PAM: variants seen among roughly 807,000 people sequenced by gnomAD.
The protein encoded by PAM is peptidyl-glycine alpha-amidating monooxygenase.
A neutral mutation model predicts 122.1 loss-of-function variants in PAM; 72 were observed. The observed-to-expected ratio is 0.59, with a 90% CI of 0.49 to 0.72. The LOEUF (loss-of-function observed/expected upper bound fraction) is 0.72. Among genes scored for constraint, PAM ranks in the 30% least tolerant of loss-of-function variants. The pLI is 0.00. For synonymous variants in PAM, 389 were observed against 404.4 expected (o/e 0.96, Z 0.46); for missense variants, 1,106 against 1,183.7 (o/e 0.93, Z 0.96).
intron 15 of PAM, among the ~76,000 whole-genome samples, chr5:102,988,325 A>G (rs1466066765): frequency 7.0e-6 from 1 of 142,874 alleles, no homozygotes; most frequent in Non-Finnish European, 1.5e-5. Context: ...CCTTAATCCT[A>G]CCCTATCCCA....
intron 1 of PAM, among the ~76,000 whole-genome samples, chr5:102,796,987 A>C (rs2150053060): frequency 6.6e-6 from 1 of 152,346 alleles, no homozygotes; most frequent in Middle Eastern, 3.4e-3. Flanking sequence ...CATATGCTTC[A>C]TTGCCAAGTT....
intron 1 of PAM, chr5:102,838,450 G>A (rs1036813226): frequency 4.6e-5 from 7 of 152,116 alleles, no homozygotes; most frequent in African/African-American, 1.7e-4. Context: ...AATATGTGGG[G>A]AGAAGGGAAG....
intron 5 of PAM, among the ~76,000 whole-genome samples, chr5:102,917,688 C>T (rs1486037895): frequency 6.6e-6 from 1 of 152,050 alleles, no homozygotes; most frequent in East Asian, 1.9e-4. Flanking sequence ...ACATGTTTCC[C>T]CTGAAATTAT....
At chr5:102,979,650 A>G (rs986454476) in intron 15 of PAM, among the ~76,000 whole-genome samples, 1 of 152,116 alleles carries the variant, frequency 6.6e-6, no homozygotes, top group Non-Finnish European at 1.5e-5. Flanking sequence ...TCTTTAGGTA[A>G]CACAGATAAA....
At chr5:102,856,916 G>T (rs74885618) in intron 1 of PAM, among the ~76,000 whole-genome samples, 5,847 of 152,008 alleles carry the variant, frequency 0.038, 382 homozygotes, top group African/African-American at 0.13. Context: ...CAATTTGCTA[G>T]GTCTTGCTAA....
chr5:102,801,772 A>ATTTTTTTTTTTTTT (rs36068804), intron 1 of PAM, among the ~76,000 whole-genome samples: 5 of 98,976 alleles, frequency 5.1e-5, no homozygotes, highest in South Asian at 3.5e-4. Context: ...GGGAAAAGGT[A>ATTTTTTTTTTTTTT]TTTTTTTTTT....
At chr5:102,938,922 A>T (rs1754173647) in intron 7 of PAM, among the ~76,000 whole-genome samples, 1 of 152,046 alleles carries the variant, frequency 6.6e-6, no homozygotes, top group Non-Finnish European at 1.5e-5. Context: ...CATGGCCCTG[A>T]CATGTTTGTT....
At chr5:102,887,502 AAGAC>A (rs537167861) in intron 3 of PAM, among the ~76,000 whole-genome samples, 99 of 152,086 alleles carry the variant, frequency 6.5e-4, no homozygotes, top group Middle Eastern at 6.8e-3. Flanking sequence ...AAAATGGACT[AAGAC>A]AGTTGTGTTC....
intron 16 of PAM, among the ~76,000 whole-genome samples, chr5:102,999,602 T>A (rs551051077): frequency 6.6e-6 from 1 of 152,334 alleles, no homozygotes; most frequent in East Asian, 1.9e-4. Flanking sequence ...TGCAGAAAAC[T>A]TCTTCCTGGA....
At position 102,860,553 on chromosome 5, in the gene PAM, G is replaced by A. The variant is rs528231598; in HGVS notation, c.-373-5270G>A. 3.9e-5 allele frequency among the ~76,000 whole-genome samples: 6 copies of A among 152,070 alleles called. No individual in the cohort carries two copies. The South Asian group carries it at 1.3e-3, about 32-fold the overall frequency. On this transcript the variant is annotated intron_variant, in intron 1 of 25. Coordinates refer to ENST00000438793, the MANE Select transcript of PAM (RefSeq NM_001177306.2). The stretch of plus-strand genomic sequence containing the variant: ...CAAAACAAATTAGCCAGGTGTAGTG[G>A]TGCATACCTGTGGTCCCAGCTATTT...
intron 1 of PAM, among the ~76,000 whole-genome samples, chr5:102,849,996 T>C (rs1333217610): frequency 6.6e-6 from 1 of 152,234 alleles, no homozygotes; most frequent in Non-Finnish European, 1.5e-5. Flanking sequence ...AAACATTTAT[T>C]TTCTATTTCA....
chr5:102,906,167 G>A (rs906627170), intron 4 of PAM, among the ~76,000 whole-genome samples: 33 of 151,766 alleles, frequency 2.2e-4, no homozygotes, highest in African/African-American at 7.5e-4. Flanking sequence ...GAGATGAATA[G>A]GAGCCATTTC....
At chr5:102,799,826 C>A (rs952836093) in intron 1 of PAM, among the ~76,000 whole-genome samples, 1 of 152,164 alleles carries the variant, frequency 6.6e-6, no homozygotes, top group Non-Finnish European at 1.5e-5. Flanking sequence ...CAACTCTACC[C>A]GTCTTTTCTC....
chr5:102,841,295 C>T (rs988721996), intron 1 of PAM, among the ~76,000 whole-genome samples: 1 of 151,978 alleles, frequency 6.6e-6, no homozygotes, highest in Non-Finnish European at 1.5e-5. Flanking sequence ...ATTTATATGA[C>T]AGTTGTCCTC....
chr5:102,890,428 C>T (rs532223796), intron 3 of PAM, among the ~76,000 whole-genome samples: 2 of 152,008 alleles, frequency 1.3e-5, no homozygotes, highest in East Asian at 3.9e-4. Flanking sequence ...GTATTCTTCT[C>T]ATTCCTTCTG....
At chr5:102,980,432 A>G (rs1364966810) in intron 15 of PAM, among the ~76,000 whole-genome samples, 1 of 152,200 alleles carries the variant, frequency 6.6e-6, no homozygotes, top group Non-Finnish European at 1.5e-5. Context: ...GGATTAGAAA[A>G]TAATTATCCC....
chr5:102,866,150 G>T lies in PAM; in HGVS notation c.-46G>T. On this transcript the variant is annotated 5_prime_UTR_variant, in exon 2 of 26. Coordinates refer to ENST00000438793, the MANE Select transcript of PAM (RefSeq NM_001177306.2). ...GCCCAACCGCCAGCCCCAGCCCCGC[G>T]CTGCGCTGCCCGGTCCTCTCCCGGC... 7.2e-7 allele frequency: 1 copy of T among 1,385,146 alleles called. No homozygotes were observed. Among genetic ancestry groups the T allele is most frequent in the Non-Finnish European group, 1.0e-6 (1 of 978,908 alleles). The allele number at this position is 1,385,146 out of a possible 1,614,324, so 85.8% of individuals were successfully genotyped here. A position where few individuals can be genotyped will look rare whatever the true frequency, so the allele number is the denominator to read the frequency against.
At chr5:102,959,147 T>A (rs566493930) in intron 12 of PAM, among the ~76,000 whole-genome samples, 3 of 152,170 alleles carry the variant, frequency 2.0e-5, no homozygotes, top group Non-Finnish European at 4.4e-5. Flanking sequence ...TTTTAAAATC[T>A]ATTTTTAACA....
chr5:102,779,824 G>A (rs1316094821), intron 1 of PAM, among the ~76,000 whole-genome samples: 1 of 146,228 alleles, frequency 6.8e-6, no homozygotes, highest in Non-Finnish European at 1.5e-5. Context: ...CTCCTCGCCT[G>A]CAGACGGCCT....
Sources: gnomAD v4.1 joint callset for allele counts (sites outside exome capture counted in the v4.1 genomes callset) on GRCh38, gnomAD v4.1.1 for gene constraint, MANE v1.5 for transcripts, NCBI Gene and HGNC (gene_info 2026-07-23, HGNC 2026-07-21) for gene names.